SRFBP1: variants seen among roughly 807,000 people sequenced by gnomAD.
SRFBP1 encodes the protein serum response factor binding protein 1.
Under a neutral mutation model 45.5 loss-of-function variants are expected in SRFBP1, and 47 were observed. The ratio of observed to expected loss-of-function variants is 1.03; its 90% CI spans 0.82 to 1.32. SRFBP1 has a LOEUF of 1.32. Ranked by LOEUF, SRFBP1 falls within the 40% of genes most tolerant of loss-of-function variation. The pLI is 0.00. For missense variants in SRFBP1, 621 were observed against 484.6 expected, an observed-to-expected ratio of 1.28 and a Z score of -2.64; for synonymous variants, 203 against 166.3, an observed-to-expected ratio of 1.22 and a Z score of -1.70.
rs950166793 is a variant in SRFBP1 at position 122,027,662 on chromosome 5, A to G, written c.*536A>G. 2.0e-5 allele frequency: 3 copies of G among 152,148 alleles called. No individual in the cohort carries two copies. Among genetic ancestry groups the G allele is most frequent in the African/African-American group, 7.2e-5 (3 of 41,458 alleles). The allele number at this position is 152,148 out of a possible 1,614,324, so 9.4% of individuals were successfully genotyped here. On this transcript the variant is annotated 3_prime_UTR_variant, in exon 8 of 8. Coordinates refer to ENST00000339397, the MANE Select transcript of SRFBP1 (RefSeq NM_152546.3). ...ATAATGGAAACATAGGAAATCAGCT[A>G]TTTAAACCAGATCACCCTTGTTAAA... is the stretch of plus-strand genomic sequence containing the variant.
intron 2 of SRFBP1, chr5:122,064,823 T>C (rs1005288779): frequency 1.3e-5 from 2 of 152,048 alleles, no homozygotes; most frequent in African/African-American, 4.8e-5. Context: ...TGATTGTAAA[T>C]GTGTCTTCTC....
chr5:122,046,706 C>T (rs1168940518), intron 2 of SRFBP1, among the ~76,000 whole-genome samples: 1 of 152,194 alleles, frequency 6.6e-6, no homozygotes, highest in African/African-American at 2.4e-5. Flanking sequence ...TCTCCAGCAC[C>T]TGTTGTTTCC....
chr5:122,013,463 C>T (rs1479914791), intron 4 of SRFBP1, among the ~76,000 whole-genome samples: 3 of 151,976 alleles, frequency 2.0e-5, no homozygotes, highest in African/African-American at 7.2e-5. Flanking sequence ...AAGTTTGACT[C>T]ATGAAAATTT....
At chr5:122,046,281 G>A (rs997823462) in intron 2 of SRFBP1, among the ~76,000 whole-genome samples, 16 of 151,838 alleles carry the variant, frequency 1.1e-4, no homozygotes, top group African/African-American at 3.9e-4. Context: ...CCACCTATGA[G>A]TGAGAACAGG....
intron 2 of SRFBP1, among the ~76,000 whole-genome samples, chr5:122,051,620 T>C (rs776278722): frequency 2.0e-5 from 3 of 152,120 alleles, no homozygotes; most frequent in Non-Finnish European, 2.9e-5. Flanking sequence ...TAGGTTTTTT[T>C]CCATCCCTTT....
chr5:122,048,712 T>G (rs1753910951), intron 2 of SRFBP1, among the ~76,000 whole-genome samples: 1 of 152,188 alleles, frequency 6.6e-6, no homozygotes, highest in African/African-American at 2.4e-5. Context: ...AATTATTGCC[T>G]CAATTTCAGA....
At chr5:122,060,061 T>C (rs1386132165) in intron 2 of SRFBP1, among the ~76,000 whole-genome samples, 1 of 152,040 alleles carries the variant, frequency 6.6e-6, no homozygotes, top group Non-Finnish European at 1.5e-5. Flanking sequence ...CCTCCTAAAA[T>C]GCCCTACTAA....
rs769570221 is a variant in SRFBP1, at chr5:122,027,111, T to G, written c.1275T>G (p.Ile425Met). The change falls in exon 8 of 8, where the codon ATT (isoleucine) becomes ATG (methionine). Residue 425 changes from isoleucine (I) to methionine (M), a missense_variant. Coordinates refer to ENST00000339397, the MANE Select transcript of SRFBP1 (RefSeq NM_152546.3). ...TTGCTGTGTTTCAGGGGAAAAAAAT[T>G]ACGTTTGATGATTGATTAGTGCCTC... ...SNIAVFQGKKITFDD is the reference protein window; with the variant it reads ...SNIAVFQGKKMTFDD 36 of 1,601,896 alleles carry G rather than the reference T, an allele frequency of 2.2e-5. No homozygotes were observed. The highest frequency in any genetic ancestry group is 1.4e-5 in the Non-Finnish European group (16 of 1,176,390).
intron 5 of SRFBP1, 30 bp from the exon 6 acceptor site, chr5:122,020,058 A>T (rs1444385481): frequency 7.0e-7 from 1 of 1,426,618 alleles, no homozygotes; most frequent in South Asian, 1.4e-5. Flanking sequence ...TTTCAGTGCT[A>T]AAATGAGTGA....
chr5:121,977,826 A>G (rs908519395), intron 3 of SRFBP1, among the ~76,000 whole-genome samples: 2 of 152,122 alleles, frequency 1.3e-5, no homozygotes, highest in Non-Finnish European at 2.9e-5. Context: ...CTGGCCAACT[A>G]AGAAAAAAAA....
At chr5:122,077,275 C>G, downstream of SRFBP1, 1 of 1,584,374 alleles carries the variant, frequency 6.3e-7, no homozygotes, top group East Asian at 2.3e-5. This position sits in a 1 kb window ranked among gnomAD's most constrained non-coding sequence, Gnocchi z 4.9. Context: ...GGGCCCGCCG[C>G]GCCCAGGCAG....
intron 2 of SRFBP1, among the ~76,000 whole-genome samples, chr5:122,046,105 G>T (rs1201149790): frequency 2.0e-5 from 3 of 151,988 alleles, no homozygotes; most frequent in Non-Finnish European, 2.9e-5. Context: ...ATGCAGGTTA[G>T]TTACACATGT....
intron 4 of SRFBP1, among the ~76,000 whole-genome samples, chr5:122,014,748 T>G (rs1660322489): frequency 6.6e-6 from 1 of 152,138 alleles, no homozygotes; most frequent in African/African-American, 2.4e-5. Flanking sequence ...ATAAAATGAC[T>G]CTTAACAAAA....
chr5:122,020,638 T>C lies in SRFBP1; in HGVS notation c.903T>C (p.His301=), dbSNP rs143558697. 4.2e-4 allele frequency: 674 copies of C among 1,614,026 alleles called. 7 individuals carry two copies. In the African/African-American group the frequency reaches 8.1e-3, roughly 19 times the overall value. The change falls in exon 6 of 8, where the codon CAT becomes CAC. Residue 301 remains histidine, a synonymous_variant. Transcript: ENST00000339397. The stretch of plus-strand genomic sequence containing the variant: ...CACGAAAGAAGGAAAGTAGTTGTCA[T>C]TCTTCAGTTAAGGAACAAAAACCAC... ...RRTRKKESSC[H]SSVKEQKPLE... is the part of the protein sequence containing the mutation.
chr5:122,050,481 TG>T (rs1753955215), intron 2 of SRFBP1, among the ~76,000 whole-genome samples: 1 of 152,180 alleles, frequency 6.6e-6, no homozygotes, highest in African/African-American at 2.4e-5. Flanking sequence ...AGGTTGTATG[TG>T]TCCAGGAATT....
chr5:121,991,645 A>T lies in SRFBP1; in HGVS notation c.199-2954A>T, dbSNP rs554852988. 2.6e-5 allele frequency among the ~76,000 whole-genome samples: 4 copies of T among 152,316 alleles called. No homozygotes were observed. In the East Asian group the frequency reaches 7.7e-4, roughly 29 times the overall value. ...AGTATAGGAAGATAAGAATAACTTCATAATATATCATTTATTGCAGTTTTT... is the reference window on the plus strand; with the variant it reads ...AGTATAGGAAGATAAGAATAACTTCTTAATATATCATTTATTGCAGTTTTT... On this transcript the variant is annotated intron_variant, in intron 3 of 7. Transcript: ENST00000339397.
intron 3 of SRFBP1, among the ~76,000 whole-genome samples, chr5:121,978,663 T>C (rs1439520283): frequency 6.6e-6 from 1 of 152,150 alleles, no homozygotes; most frequent in Non-Finnish European, 1.5e-5. Context: ...GGCTAACTTT[T>C]GTATTTTTAG....
At chr5:122,032,123 A>G (rs1370165167), downstream of SRFBP1, among the ~76,000 whole-genome samples, 1 of 152,226 alleles carries the variant, frequency 6.6e-6, no homozygotes, top group Middle Eastern at 3.2e-3. Context: ...TGTGTGAATC[A>G]TATCTCAATT....
chr5:121,963,360 C>T (rs889106826), intron 1 of SRFBP1, among the ~76,000 whole-genome samples: 2 of 152,116 alleles, frequency 1.3e-5, no homozygotes, highest in Non-Finnish European at 2.9e-5. Flanking sequence ...TAAGCTTGTG[C>T]TTTGTGCCAG....
Sources: allele counts gnomAD v4.1 joint callset (sites outside exome capture counted in the v4.1 genomes callset), GRCh38; gene constraint gnomAD v4.1.1; non-coding constraint Gnocchi (gnomAD v3.1); transcripts MANE v1.5; gene names NCBI Gene and HGNC (gene_info 2026-07-23, HGNC 2026-07-21).